KCNN2: variants seen among roughly 807,000 people sequenced by gnomAD.
KCNN2 encodes potassium calcium-activated channel subfamily N member 2, also known as small conductance calcium-activated potassium channel protein 2.
In KCNN2, 24 loss-of-function variants were observed where a neutral mutation model predicts 55.5. That is an observed-to-expected ratio of 0.43 (90% CI 0.31 to 0.61). The LOEUF (loss-of-function observed/expected upper bound fraction) is 0.61, where lower values mean the gene tolerates loss of function less well. KCNN2 is among the 20% of genes least tolerant of loss of function. KCNN2 has a pLI of 0.08. For missense variants in KCNN2, 754 were observed against 853.6 expected (o/e 0.88, Z 1.45); for synonymous variants, 431 against 336.1 (o/e 1.28, Z -3.09).
chr5:114,493,578 AT>A lies in KCNN2; in HGVS notation c.2088+107del, dbSNP rs1415254695. 3 of 778,998 alleles carry A rather than the reference AT, an allele frequency of 3.9e-6. No homozygotes were observed. In the East Asian group the frequency reaches 7.7e-5, roughly 20 times the overall value. The allele number at this position is 778,998 out of a possible 1,614,324, so 48.3% of individuals were successfully genotyped here. ...GAGGATCCCAACCCAAATCTAATTA[AT>A]AAATCAAACCAGCAAAGCACCCTAA... is the stretch of plus-strand genomic sequence containing the variant. On this transcript the variant is annotated intron_variant, in intron 7 of 7. Coordinates refer to ENST00000673685, the MANE Select transcript of KCNN2 (RefSeq NM_021614.4).
At chr5:114,273,211 C>T (rs1253322158) in intron 2 of KCNN2, among the ~76,000 whole-genome samples, 1 of 152,226 alleles carries the variant, frequency 6.6e-6, no homozygotes, top group East Asian at 1.9e-4. Context: ...TGAACTCATC[C>T]TTTTTTATGG....
intron 1 of KCNN2, among the ~76,000 whole-genome samples, chr5:114,188,724 A>T (rs1471123686): frequency 8.9e-6 from 1 of 112,854 alleles, no homozygotes; most frequent in African/African-American, 2.8e-5. Flanking sequence ...TAGTGCCAAA[A>T]CTATAAATTG....
chr5:114,157,491 C>T (rs2112525577), intron 1 of KCNN2, among the ~76,000 whole-genome samples: 1 of 152,218 alleles, frequency 6.6e-6, no homozygotes, highest in South Asian at 2.1e-4. Context: ...TTTATAGCAG[C>T]ATGATTTATA....
chr5:114,123,449 G>A lies in KCNN2; in HGVS notation c.-271+66949G>A, dbSNP rs1403913360. On this transcript the variant is annotated intron_variant, in intron 1 of 10. Transcript: ENST00000512097. ...GCGATCTCGGCTCACTGCAAGCTCC[G>A]CCTCCCGGGTTCACGCCATTCTCCT... Among the ~76,000 whole-genome samples the A allele has an allele frequency of 4.7e-3, 290 of 61,932 alleles. 79 individuals are homozygous for A. Among genetic ancestry groups the A allele is most frequent in the African/African-American group, 0.026 (278 of 10,630 alleles). 40.6% of individuals were successfully genotyped at this position (61,932 alleles called of 152,430 possible).
At chr5:114,118,613 C>G (rs968812498) in intron 1 of KCNN2, among the ~76,000 whole-genome samples, 36 of 151,506 alleles carry the variant, frequency 2.4e-4, no homozygotes, top group Non-Finnish European at 1.5e-5. Context: ...TGATGCCCAC[C>G]CACACTGGGG....
At chr5:114,291,788 C>T (rs1755894955) in intron 2 of KCNN2, among the ~76,000 whole-genome samples, 2 of 152,228 alleles carry the variant, frequency 1.3e-5, no homozygotes, top group Admixed American at 6.5e-5. Context: ...AATGGTTGAA[C>T]TAGTTTAGTG....
chr5:114,130,354 G>C lies in KCNN2; in HGVS notation c.-271+73854G>C, dbSNP rs946639454. ...TTACTTAAGCACTAGTAGAACTTAA[G>C]TGGGTCCAAAATGTGGCTCATGCCA... On this transcript the variant is annotated intron_variant, in intron 1 of 10. Coordinates refer to the KCNN2 transcript ENST00000512097. Among the ~76,000 whole-genome samples, 7 of 152,180 alleles carry C rather than the reference G, an allele frequency of 4.6e-5. 1 individual carries two copies. The South Asian group carries it at 6.2e-4, about 14-fold the overall frequency.
Position 114,487,043 on chromosome 5 carries a change from T to G in KCNN2, c.1891-7T>G, listed in dbSNP as rs747262756. On this transcript the variant is annotated splice_polypyrimidine_tract_variant and splice_region_variant and intron_variant, in intron 5 of 7. Transcript: ENST00000673685. ...TTTATCAACTGCTTTGTTTGTTCTC[T>G]TAACAGGTAAAAAATGCAGCTGCCA... 1.2e-6 allele frequency: 2 copies of G among 1,612,704 alleles called. No homozygotes were observed. Among genetic ancestry groups the G allele is most frequent in the African/African-American group, 1.3e-5 (1 of 74,848 alleles).
In KCNN2 at chr5:114,135,017, GA is replaced by G. The variant is rs561402888; in HGVS notation, c.-271+78520del. 5.3e-3 allele frequency among the ~76,000 whole-genome samples: 809 copies of G among 152,228 alleles called. 6 individuals carry two copies. The highest frequency in any genetic ancestry group is 8.6e-3 in the Admixed American group (132 of 15,276). The stretch of plus-strand genomic sequence containing the variant: ...CTTTCTAAAACTCTAGTAAAATAAA[GA>G]AATGTAGAAAGATTTTTAAAAGGCA... On this transcript the variant is annotated intron_variant, in intron 1 of 10. Coordinates refer to the KCNN2 transcript ENST00000512097.
chr5:114,306,700 CTT>C (rs1245549186), intron 2 of KCNN2, among the ~76,000 whole-genome samples: 127 of 115,506 alleles, frequency 1.1e-3, no homozygotes, highest in East Asian at 1.4e-3. Context: ...TTTTTTTTTT[CTT>C]TTTTTTTTTT....
In KCNN2 at chr5:114,090,273, T is replaced by A. The variant is rs1751110293; in HGVS notation, c.-271+33773T>A. Among the ~76,000 whole-genome samples the A allele has an allele frequency of 3.3e-5, 5 of 152,088 alleles. No individual in the cohort carries two copies. In the South Asian group the frequency reaches 8.3e-4, roughly 25 times the overall value. On this transcript the variant is annotated intron_variant, in intron 1 of 10. Transcript: ENST00000512097. ...AGAAGCCTTAAGGATGAGGAAGAAATTAGGATATACTGATTCTTTTAAGGT... is the reference window on the plus strand; with the variant it reads ...AGAAGCCTTAAGGATGAGGAAGAAAATAGGATATACTGATTCTTTTAAGGT...
rs1760071722 is a variant in KCNN2, at chr5:114,438,044, C to T, written c.1638-25005C>T. On this transcript the variant is annotated intron_variant, in intron 3 of 7. Coordinates refer to ENST00000673685, the MANE Select transcript of KCNN2 (RefSeq NM_021614.4). ...TCTACACCAATCTGTTAATATAATT[C>T]CTTTCACCTTTATCTCCTTCTCAGT... Among the ~76,000 whole-genome samples, 3 of 152,248 alleles carry T rather than the reference C, an allele frequency of 2.0e-5. No individual in the cohort carries two copies. The South Asian group carries it at 6.2e-4, about 32-fold the overall frequency.
chr5:114,482,088 A>G (rs1283871511), intron 5 of KCNN2, among the ~76,000 whole-genome samples: 3 of 152,228 alleles, frequency 2.0e-5, no homozygotes, highest in Non-Finnish European at 4.4e-5. Flanking sequence ...GACAAAGTGA[A>G]CAGACAACCT....
chr5:114,468,436 GAGGGCAAGCTGATTTGTGAAAGATCT>G (rs760684875), intron 4 of KCNN2, among the ~76,000 whole-genome samples: 194 of 152,248 alleles, frequency 1.3e-3, no homozygotes, highest in Non-Finnish European at 1.9e-3. Context: ...CTTCCTTTTG[GAGGGCAAGCTGATTTGTGAAAGATCT>G]TAAAGCTGTT....
intron 2 of KCNN2, among the ~76,000 whole-genome samples, chr5:114,244,313 TA>T (rs1247710907): frequency 2.9e-5 from 4 of 137,528 alleles, no homozygotes; most frequent in Admixed American, 7.8e-5. Context: ...CTTGTTTATT[TA>T]AAAAAAAAGA....
chr5:114,362,649 G>A lies in KCNN2; in HGVS notation c.510G>A (p.Thr170=). The change falls in exon 1 of 8, where the codon ACG becomes ACA. Residue 170 remains threonine, a synonymous_variant. Transcript: ENST00000673685. Reference sequence around the variant, plus strand: ...GCCTGCAGCCCGCCGCCAGCCCCACGGGCAGCCTCGGCAGTCTGGGCTCCG... The same window carrying A: ...GCCTGCAGCCCGCCGCCAGCCCCACAGGCAGCCTCGGCAGTCTGGGCTCCG... ...CHSLQPAASP[T]GSLGSLGSGP... is the part of the protein sequence containing the mutation. 7.7e-7 allele frequency: 1 copy of A among 1,301,386 alleles called. No homozygotes were observed. 80.6% of individuals were successfully genotyped at this position (1,301,386 alleles called of 1,614,324 possible).
intron 2 of KCNN2, among the ~76,000 whole-genome samples, chr5:114,233,797 G>T (rs1166349623): frequency 6.6e-6 from 1 of 152,066 alleles, no homozygotes; most frequent in Non-Finnish European, 1.5e-5. Context: ...GATTGCTTTT[G>T]TTCTAATTCT....
intron 1 of KCNN2, among the ~76,000 whole-genome samples, chr5:114,116,170 C>T (rs1394284857): frequency 5.9e-5 from 9 of 151,886 alleles, no homozygotes; most frequent in Non-Finnish European, 1.3e-4. Context: ...TGAGACCTCC[C>T]CAAGTCACAA....
chr5:114,219,894 T>C (rs544892327), intron 1 of KCNN2, among the ~76,000 whole-genome samples: 3 of 152,230 alleles, frequency 2.0e-5, no homozygotes, highest in Non-Finnish European at 4.4e-5. Context: ...ATAAACTGTA[T>C]GTTAAGCATC....
Sources: allele counts gnomAD v4.1 joint callset (sites outside exome capture counted in the v4.1 genomes callset), GRCh38; gene constraint gnomAD v4.1.1; transcripts MANE v1.5; gene names NCBI Gene and HGNC (gene_info 2026-07-23, HGNC 2026-07-21).